Variants in CGNL1 observed in about 807,000 individuals in gnomAD.
The protein encoded by CGNL1 is cingulin-like protein 1.
A neutral mutation model predicts 141.2 loss-of-function variants in CGNL1; 132 were observed. That is an observed-to-expected ratio of 0.93 (90% CI 0.81 to 1.08). The LOEUF is 1.08. Ranked by LOEUF, CGNL1 falls within the 50% of genes least tolerant of loss-of-function variation. CGNL1 has a pLI of 0.00. For synonymous variants in CGNL1, 690 were observed against 622.1 expected, an observed-to-expected ratio of 1.11 and a Z score of -1.63; for missense variants, 1,870 against 1,588.6, an observed-to-expected ratio of 1.18 and a Z score of -3.01.
chr15:57,458,467 G>T (rs550219989), intron 7 of CGNL1, among the ~76,000 whole-genome samples: 6 of 152,182 alleles, frequency 3.9e-5, no homozygotes, highest in African/African-American at 1.4e-4. Flanking sequence ...ACAGCATGTC[G>T]TTGCAGAATG....
intron 1 of CGNL1, among the ~76,000 whole-genome samples, chr15:57,388,000 T>G (rs1157804466): frequency 6.6e-6 from 1 of 152,162 alleles, no homozygotes; most frequent in South Asian, 2.1e-4. Flanking sequence ...CACATAGATA[T>G]GTAAAACCAG....
intron 8 of CGNL1, among the ~76,000 whole-genome samples, chr15:57,484,627 C>T (rs1436855632): frequency 3.3e-5 from 5 of 151,996 alleles, no homozygotes; most frequent in African/African-American, 1.2e-4. Flanking sequence ...ATACATGTGC[C>T]ATGGTGGTTT....
At chr15:57,544,247 A>T (rs760110972) in intron 15 of CGNL1, among the ~76,000 whole-genome samples, 17 of 152,242 alleles carry the variant, frequency 1.1e-4, no homozygotes, top group Admixed American at 4.6e-4. Context: ...ATTCAGGCTT[A>T]TGAGGGAGTG....
At chr15:57,451,960 A>T (rs1379683013) in intron 5 of CGNL1, among the ~76,000 whole-genome samples, 181 bp from the exon 6 acceptor site, 1 of 152,218 alleles carries the variant, frequency 6.6e-6, no homozygotes, top group Non-Finnish European at 1.5e-5. Context: ...ACAGTTCATT[A>T]AATATAAATG....
chr15:57,396,416 G>C (rs2062603274), intron 1 of CGNL1, among the ~76,000 whole-genome samples: 2 of 152,014 alleles, frequency 1.3e-5, no homozygotes, highest in African/African-American at 4.8e-5. Context: ...TGGGGCTACA[G>C]GTGCATGCCA....
intron 2 of CGNL1, 39 bp from the exon 3 acceptor site, chr15:57,440,338 C>T: frequency 2.0e-6 from 3 of 1,481,078 alleles, no homozygotes; most frequent in Non-Finnish European, 2.8e-6. Context: ...CCTCTGGGAA[C>T]TTCATCCTCA....
Position 57,546,139 on chromosome 15 carries a change from C to T in CGNL1, c.3673C>T (p.Leu1225=), listed in dbSNP as rs1298880569. Residue 1225 remains leucine (L), a synonymous_variant, in exon 18 of 19, where the codon CTG becomes TTG. Coordinates refer to ENST00000281282, the MANE Select transcript of CGNL1 (RefSeq NM_032866.5). ...GGAGGCTGAGGAGGAAATCGACAGA[C>T]TGGAAAGTTCTAAAAAGAAGCTGCA... ...VEEAEEEIDR[L]ESSKKKLQRE... is the part of the protein sequence containing the mutation. 11 of 1,613,936 alleles carry T rather than the reference C, an allele frequency of 6.8e-6. No individual in the cohort carries two copies. The East Asian group carries it at 8.9e-5, about 13-fold the overall frequency.
At chr15:57,515,663 G>A (rs900894578) in intron 8 of CGNL1, among the ~76,000 whole-genome samples, 2 of 152,134 alleles carry the variant, frequency 1.3e-5, no homozygotes, top group African/African-American at 2.4e-5. Context: ...TTGCTAAACC[G>A]AAGAATACAA....
intron 1 of CGNL1, among the ~76,000 whole-genome samples, chr15:57,427,442 G>A (rs1423040599): frequency 6.6e-6 from 1 of 152,096 alleles, no homozygotes; most frequent in Non-Finnish European, 1.5e-5. Context: ...TATGAGACTG[G>A]GTTGGTTTGT....
At position 57,421,770 on chromosome 15, in the gene CGNL1, C is replaced by T. The variant is rs912217820; in HGVS notation, c.-15-16215C>T. ...TTCAGTATGCAGAGCTGTCAGGCGT[C>T]GTGTGCTCCTGTGTAGAGTGTCAGG... On this transcript the variant is annotated intron_variant, in intron 1 of 18. Coordinates refer to ENST00000281282, the MANE Select transcript of CGNL1 (RefSeq NM_032866.5). 5.3e-5 allele frequency among the ~76,000 whole-genome samples: 8 copies of T among 152,088 alleles called. No individual in the cohort carries two copies. The East Asian group carries it at 1.2e-3, about 22-fold the overall frequency.
Position 57,518,400 on chromosome 15 carries a change from T to A in CGNL1, c.2618T>A (p.Ile873Lys). ...CCCAGTGTTTCATTGTAGGGAGAAA[T>A]ACGACAGTTAGAGGAGGCCCTTGTG... ...KETLKKYEGE[I>K]RQLEEALVHA... The change falls in exon 10 of 19, where the codon ATA becomes AAA. Residue 873 changes from isoleucine to lysine, a missense_variant. Coordinates refer to ENST00000281282, the MANE Select transcript of CGNL1 (RefSeq NM_032866.5). 1 of 1,612,430 alleles carries A rather than the reference T, an allele frequency of 6.2e-7. No homozygotes were observed. The highest frequency in any genetic ancestry group is 8.5e-7 in the Non-Finnish European group (1 of 1,179,078).
intron 1 of CGNL1, among the ~76,000 whole-genome samples, chr15:57,422,315 CAG>C (rs757295786): frequency 4.6e-5 from 7 of 151,602 alleles, no homozygotes; most frequent in Non-Finnish European, 7.4e-5. Flanking sequence ...AGTCAGAGAA[CAG>C]GGTAAATTTG....
At chr15:57,497,376 C>T (rs1192688251) in intron 8 of CGNL1, among the ~76,000 whole-genome samples, 1 of 65,794 alleles carries the variant, frequency 1.5e-5, no homozygotes, top group Non-Finnish European at 3.0e-5. Flanking sequence ...GTAGGGGGAG[C>T]AGGGTGGGGC....
intron 10 of CGNL1, among the ~76,000 whole-genome samples, chr15:57,519,209 GCT>G (rs1662591937): frequency 6.6e-6 from 1 of 152,172 alleles, no homozygotes; most frequent in South Asian, 2.1e-4. Flanking sequence ...TCTCCTATTG[GCT>G]CTCGGGATGC....
rs150465996 is a variant in CGNL1, at chr15:57,515,087, A to C, written c.2404-1693A>C. ...TTTCCCTGGTCTGACCAGTTACTAG[A>C]TTCTTTAGATCCTTCCTCAAGTTTT... is the stretch of plus-strand genomic sequence containing the variant. On this transcript the variant is annotated intron_variant, in intron 8 of 18. Transcript: ENST00000281282. Among the ~76,000 whole-genome samples the C allele has an allele frequency of 3.4e-3, 511 of 152,208 alleles. 1 individual carries two copies. The highest frequency in any genetic ancestry group is 0.012 in the African/African-American group (488 of 41,528).
chr15:57,478,650 A>G (rs1388887730), intron 8 of CGNL1, among the ~76,000 whole-genome samples: 1 of 152,060 alleles, frequency 6.6e-6, no homozygotes, highest in Non-Finnish European at 1.5e-5. Context: ...CCAAGGGTAG[A>G]TTCTTTTTTT....
chr15:57,487,357 A>G (rs1254451240), intron 8 of CGNL1, among the ~76,000 whole-genome samples: 3 of 109,142 alleles, frequency 2.7e-5, no homozygotes, highest in African/African-American at 5.4e-5. Flanking sequence ...ATTTTCAGGT[A>G]TACAGAGTCA....
intron 17 of CGNL1, 127 bp downstream of exon 17, chr15:57,545,827 A>G (rs2032832391): frequency 1.3e-6 from 1 of 798,788 alleles, no homozygotes; most frequent in African/African-American, 1.7e-5. Flanking sequence ...CTTTCCACGC[A>G]CCCAGTCACA....
At chr15:57,543,292 C>G (rs1260177963) in intron 14 of CGNL1, among the ~76,000 whole-genome samples, 2 of 152,122 alleles carry the variant, frequency 1.3e-5, no homozygotes, top group African/African-American at 4.8e-5. Flanking sequence ...TCCAAATTTC[C>G]CCCTTTTAAA....
Sources: allele counts gnomAD v4.1 joint callset (sites outside exome capture counted in the v4.1 genomes callset), GRCh38; gene constraint gnomAD v4.1.1; transcripts MANE v1.5; gene names NCBI Gene and HGNC (gene_info 2026-07-23, HGNC 2026-07-21).